The following USP38 variants were observed in gnomAD, a reference collection of about 807,000 sequenced individuals.
USP38 encodes the protein ubiquitin specific peptidase 38.
Under a neutral mutation model 94.3 loss-of-function variants are expected in USP38, and 49 were observed. The observed-to-expected ratio is 0.52, with a 90% CI of 0.41 to 0.66. The LOEUF (loss-of-function observed/expected upper bound fraction) is 0.66, where lower values mean the gene tolerates loss of function less well. USP38 is among the 30% of genes least tolerant of loss of function. The pLI is 0.00. For missense variants in USP38, 1,128 were observed against 1,229.4 expected (o/e 0.92, Z 1.23); for synonymous variants, 468 against 463.6 (o/e 1.01, Z -0.12).
Position 143,185,154 on chromosome 4 carries a change from G to A in USP38, c.-297G>A. ...GCTGGGGGGCCCGACAGGCCCCTCG[G>A]CGCTGATGCTGAGTGGGATCGAGGG... On this transcript the variant is annotated 5_prime_UTR_variant, in exon 1 of 10. Transcript: ENST00000307017. 3.7e-6 allele frequency: 1 copy of A among 272,008 alleles called. No homozygotes were observed. The highest frequency in any genetic ancestry group is 5.2e-5 in the Admixed American group (1 of 19,252). The allele number at this position is 272,008 out of a possible 1,614,324, so 16.8% of individuals were successfully genotyped here. A position where few individuals can be genotyped will look rare whatever the true frequency, so the allele number is the denominator to read the frequency against.
intron 5 of USP38, 95 bp from the exon 6 acceptor site, chr4:143,205,938 C>A (rs577601010): frequency 1.1e-6 from 1 of 889,940 alleles, no homozygotes; most frequent in Non-Finnish European, 1.6e-6. Context: ...GTTCAAATGT[C>A]GGTGTAAGAA....
chr4:143,210,290 A>G (rs1187483556), intron 7 of USP38, among the ~76,000 whole-genome samples: 1 of 152,212 alleles, frequency 6.6e-6, no homozygotes, highest in Non-Finnish European at 1.5e-5. Flanking sequence ...AGTGATAAGC[A>G]TTAAAAGAAG....
intron 9 of USP38, among the ~76,000 whole-genome samples, chr4:143,216,630 T>C (rs541768701): frequency 3.3e-5 from 5 of 151,992 alleles, no homozygotes; most frequent in African/African-American, 1.2e-4. Context: ...TGTGTCACCA[T>C]GCCTGGCTAA....
chr4:143,222,987 T>C lies in USP38; in HGVS notation c.*2531T>C, dbSNP rs1732363294. Reference sequence around the variant, plus strand: ...CAGTTTAAATGAAGTTGCTCATTGCTGCTAAGAAGCATTAGGCTTCACTGC... The same window carrying C: ...CAGTTTAAATGAAGTTGCTCATTGCCGCTAAGAAGCATTAGGCTTCACTGC... On this transcript the variant is annotated 3_prime_UTR_variant, in exon 10 of 10. Transcript: ENST00000307017. 6.6e-6 allele frequency: 1 copy of C among 152,162 alleles called. No individual in the cohort carries two copies. The highest frequency in any genetic ancestry group is 6.6e-5 in the Admixed American group (1 of 15,260). The allele number at this position is 152,162 out of a possible 1,614,324, so 9.4% of individuals were successfully genotyped here. A position where few individuals can be genotyped will look rare whatever the true frequency, so the allele number is the denominator to read the frequency against.
chr4:143,209,807 T>C (rs935385883), intron 7 of USP38, 150 bp downstream of exon 7: 19 of 506,476 alleles, frequency 3.8e-5, no homozygotes, highest in Non-Finnish European at 5.3e-5. Flanking sequence ...GCTAAAGAGA[T>C]CCTGCCTAAA....
chr4:143,197,072 C>G (rs1184937512), intron 3 of USP38, among the ~76,000 whole-genome samples: 2 of 152,184 alleles, frequency 1.3e-5, no homozygotes, highest in African/African-American at 4.8e-5. Context: ...TTCTGGCCCA[C>G]TTTTTCTCTA....
At chr4:143,192,632 T>C (rs1731431052) in intron 2 of USP38, among the ~76,000 whole-genome samples, 1 of 151,260 alleles carries the variant, frequency 6.6e-6, no homozygotes, top group Non-Finnish European at 1.5e-5. Context: ...GATGGAGCTT[T>C]CTGTGTGTCC....
chr4:143,211,941 T>C, intron 7 of USP38, among the ~76,000 whole-genome samples: 1 of 152,192 alleles, frequency 6.6e-6, no homozygotes, highest in Non-Finnish European at 1.5e-5. Context: ...TAATCTTTTT[T>C]AGATTTGATT....
intron 4 of USP38, among the ~76,000 whole-genome samples, chr4:143,202,618 TA>T (rs1561242429): frequency 6.6e-6 from 1 of 152,124 alleles, no homozygotes; most frequent in African/African-American, 2.4e-5. Context: ...AATAACCTCC[TA>T]AAGATATGAT....
chr4:143,186,079 C>T lies in USP38; in HGVS notation c.629C>T (p.Pro210Leu), dbSNP rs1731214600. 1 of 1,614,214 alleles carries T rather than the reference C, an allele frequency of 6.2e-7. No homozygotes were observed. The highest frequency in any genetic ancestry group is 1.3e-5 in the African/African-American group (1 of 75,044). ...CTGCAGAACATCTGGAAGGCCGAGCCTGCCACACTACTGCCTTCCCTGCAA... is the reference window on the plus strand; with the variant it reads ...CTGCAGAACATCTGGAAGGCCGAGCTTGCCACACTACTGCCTTCCCTGCAA... ...NLLQNIWKAE[P>L]ATLLPSLQEV... is the part of the protein sequence containing the mutation. The change falls in exon 1 of 10, where the codon CCT becomes CTT. Residue 210 changes from proline to leucine, a missense_variant. Physicochemically the swap from Pro to Leu is moderately conservative, Grantham distance 98. Coordinates refer to ENST00000307017, the MANE Select transcript of USP38 (RefSeq NM_032557.6).
chr4:143,202,861 T>A (rs1001342542), intron 4 of USP38, among the ~76,000 whole-genome samples: 4 of 152,142 alleles, frequency 2.6e-5, no homozygotes, highest in Admixed American at 1.3e-4. Flanking sequence ...ATAGCCACTC[T>A]AACATAAGGC....
In USP38 at chr4:143,197,943, G is replaced by A. The variant is rs768776146; in HGVS notation, c.1050+19G>A. ...CCATTTGGTAAGTTATGACATAAACGTTCTACTTTGAAAAAGCCTCAATTT... is the reference window on the plus strand; with the variant it reads ...CCATTTGGTAAGTTATGACATAAACATTCTACTTTGAAAAAGCCTCAATTT... On this transcript the variant is annotated intron_variant, in intron 4 of 9. Transcript: ENST00000307017. 2.0e-5 allele frequency: 31 copies of A among 1,544,248 alleles called. No individual in the cohort carries two copies. The highest frequency in any genetic ancestry group is 6.8e-5 in the East Asian group (3 of 43,974).
chr4:143,196,048 G>A (rs539841461), intron 3 of USP38, among the ~76,000 whole-genome samples: 44 of 152,310 alleles, frequency 2.9e-4, no homozygotes, highest in African/African-American at 1.0e-3. Flanking sequence ...GCTCACAACT[G>A]TAATCCCAGC....
intron 3 of USP38, 36 bp downstream of exon 3, chr4:143,195,881 G>C: frequency 6.5e-7 from 1 of 1,544,100 alleles, no homozygotes; most frequent in Non-Finnish European, 8.8e-7. Context: ...AGAATATATA[G>C]ACTCATAAAA....
In USP38 at chr4:143,214,187, T is replaced by A. The variant is rs1561247947; in HGVS notation, c.2211T>A (p.Tyr737Ter). 1 of 1,613,576 alleles carries A rather than the reference T, an allele frequency of 6.2e-7. No homozygotes were observed. The highest frequency in any genetic ancestry group is 2.2e-5 in the East Asian group (1 of 44,836). ...AGATTCTTACTGGTGATAACCAATA[T>A]TATTGTGAAAACTGTGCCTCTCTGC... ...APEILTGDNQ[Y>*]YCENCASLQN... The change falls in exon 9 of 10, where the codon TAT becomes TAA. Residue 737 changes from tyrosine (Y) to a stop codon, truncating the protein, a stop_gained. Transcript: ENST00000307017. LOFTEE classifies it high-confidence loss of function.
At chr4:143,211,191 T>G (rs11947142) in intron 7 of USP38, among the ~76,000 whole-genome samples, 1 of 152,134 alleles carries the variant, frequency 6.6e-6, no homozygotes, top group African/African-American at 2.4e-5. Flanking sequence ...AGTAGAAATT[T>G]AAAAGAGCCT....
chr4:143,198,633 C>T (rs558371641), intron 4 of USP38, among the ~76,000 whole-genome samples: 66 of 152,236 alleles, frequency 4.3e-4, no homozygotes, highest in African/African-American at 1.5e-3. Flanking sequence ...TAATGAAGTT[C>T]AGAATTCCAT....
intron 6 of USP38, among the ~76,000 whole-genome samples, chr4:143,209,221 C>G (rs1191317602): frequency 6.6e-6 from 1 of 152,096 alleles, no homozygotes; most frequent in Non-Finnish European, 1.5e-5. Flanking sequence ...AATTTATTGT[C>G]ATTCTTCCCT....
intron 4 of USP38, among the ~76,000 whole-genome samples, chr4:143,198,263 A>C (rs531882111): frequency 2.0e-5 from 3 of 152,180 alleles, no homozygotes; most frequent in African/African-American, 7.2e-5. Context: ...GAAAGCATGA[A>C]AACACACCAG....
Sources: gnomAD v4.1 joint callset for allele counts (sites outside exome capture counted in the v4.1 genomes callset) on GRCh38, gnomAD v4.1.1 for gene constraint, MANE v1.5 for transcripts, NCBI Gene and HGNC (gene_info 2026-07-23, HGNC 2026-07-21) for gene names.